Variants in PCBP3 observed in about 807,000 individuals in gnomAD.
PCBP3 encodes poly(rC) binding protein 3.
A neutral mutation model predicts 52.7 loss-of-function variants in PCBP3; 25 were observed. The ratio of observed to expected loss-of-function variants is 0.47; its 90% CI spans 0.35 to 0.66. PCBP3 has a LOEUF of 0.66. Ranked by LOEUF, PCBP3 falls within the 30% of genes least tolerant of loss-of-function variation. PCBP3 has a pLI of 0.01. For synonymous variants in PCBP3, 162 were observed against 183.0 expected (o/e 0.89, Z 0.93); for missense variants, 391 against 490.3 (o/e 0.80, Z 1.91).
intron 1 of PCBP3, among the ~76,000 whole-genome samples, chr21:45,658,640 G>A (rs1006865909): frequency 6.6e-6 from 1 of 152,114 alleles, no homozygotes; most frequent in African/African-American, 2.4e-5. Context: ...CTTAAGACAT[G>A]TTAATCTATA....
At chr21:45,894,805 G>A (rs905219793) in intron 5 of PCBP3, among the ~76,000 whole-genome samples, 1 of 152,240 alleles carries the variant, frequency 6.6e-6, no homozygotes, top group African/African-American at 2.4e-5. Context: ...ATGCAAGGGT[G>A]ATCTTCGGAG....
In PCBP3 at chr21:45,767,396, GA is replaced by G. The variant is rs566093233; in HGVS notation, c.-126+11946del. On this transcript the variant is annotated intron_variant, in intron 4 of 17. Coordinates refer to ENST00000681687, the MANE Select transcript of PCBP3 (RefSeq NM_001384156.1). ...CAGAATTTCATTCCTTTTTATGGCT[GA>G]ATCATGTTCTGTTGTATGAATATAC... Among the ~76,000 whole-genome samples, 21 of 152,328 alleles carry G rather than the reference GA, an allele frequency of 1.4e-4. No individual in the cohort carries two copies. The South Asian group carries it at 3.7e-3, about 27-fold the overall frequency.
At position 45,800,212 on chromosome 21, in the gene PCBP3, T is replaced by C. The variant is rs2092239088; in HGVS notation, c.-126+44760T>C. ...GAGGGGCCAGGCAGCAGTTCCTCTC[T>C]TGCAGCTTTTTCTTGGGAGCACCGG... On this transcript the variant is annotated intron_variant, in intron 4 of 17. Coordinates refer to ENST00000681687, the MANE Select transcript of PCBP3 (RefSeq NM_001384156.1). The surrounding 1 kb of genome is among the most constrained non-coding windows in gnomAD (Gnocchi z 5.3). Among the ~76,000 whole-genome samples the C allele has an allele frequency of 6.6e-6, 1 of 152,142 alleles. No individual in the cohort carries two copies. Among genetic ancestry groups the C allele is most frequent in the African/African-American group, 2.4e-5 (1 of 41,440 alleles).
At chr21:45,701,455 ATTAC>A (rs771182392) in intron 2 of PCBP3, among the ~76,000 whole-genome samples, 14 of 152,262 alleles carry the variant, frequency 9.2e-5, no homozygotes, top group Admixed American at 2.0e-4. Context: ...TGATAGTTAC[ATTAC>A]TTGAAATTAA....
intron 1 of PCBP3, among the ~76,000 whole-genome samples, chr21:45,653,508 T>G (rs2079818716): frequency 2.0e-5 from 3 of 152,164 alleles, no homozygotes; most frequent in African/African-American, 7.2e-5. Context: ...AATATTTGAC[T>G]TTATGATATG....
At chr21:45,692,431 AG>A (rs1294295654) in intron 2 of PCBP3, among the ~76,000 whole-genome samples, 2 of 152,162 alleles carry the variant, frequency 1.3e-5, no homozygotes, top group East Asian at 3.8e-4. Context: ...ATGAATATCA[AG>A]AATGAAAGAG....
At chr21:45,685,875 AAAAAC>A (rs1187986603) in intron 2 of PCBP3, among the ~76,000 whole-genome samples, 4 of 152,162 alleles carry the variant, frequency 2.6e-5, no homozygotes, top group East Asian at 3.9e-4. Context: ...GACAAGAAAC[AAAAAC>A]AAAACAAAAC....
intron 5 of PCBP3, among the ~76,000 whole-genome samples, chr21:45,867,757 A>G (rs2094804929): frequency 6.6e-6 from 1 of 152,182 alleles, no homozygotes; most frequent in Non-Finnish European, 1.5e-5. Flanking sequence ...GCCACAGAAG[A>G]CTCGCCCTCC....
In PCBP3 at chr21:45,788,107, AC is replaced by A. The variant is rs1002443678; in HGVS notation, c.-126+32657del. Among the ~76,000 whole-genome samples, 3 of 152,124 alleles carry A rather than the reference AC, an allele frequency of 2.0e-5. No individual in the cohort carries two copies. The highest frequency in any genetic ancestry group is 7.2e-5 in the African/African-American group (3 of 41,428). On this transcript the variant is annotated intron_variant, in intron 4 of 17. Coordinates refer to ENST00000681687, the MANE Select transcript of PCBP3 (RefSeq NM_001384156.1). The surrounding 1 kb of genome is among the most constrained non-coding windows in gnomAD (Gnocchi z 4.3). ...TGTCTCCTTACTGGGACATGCTGTG[AC>A]CTGTAGAATCGTGTCTGACCATTTC...
chr21:45,921,976 A>G (rs987793818), intron 13 of PCBP3, among the ~76,000 whole-genome samples: 1 of 152,204 alleles, frequency 6.6e-6, no homozygotes, highest in Non-Finnish European at 1.5e-5. Context: ...GACAGGGTGA[A>G]GGACTTAGGA....
At chr21:45,764,117 TTC>T (rs1491377021) in intron 4 of PCBP3, among the ~76,000 whole-genome samples, 9 of 147,812 alleles carry the variant, frequency 6.1e-5, no homozygotes, top group Non-Finnish European at 9.0e-5. Context: ...TCTTTTTTTT[TTC>T]TTTTTTTTTT....
chr21:45,785,514 G>A (rs1262985202), intron 4 of PCBP3, among the ~76,000 whole-genome samples: 1 of 149,702 alleles, frequency 6.7e-6, no homozygotes, highest in Admixed American at 6.6e-5. Flanking sequence ...GGAGGGGGGG[G>A]GGTCAGCCCC....
chr21:45,846,435 T>G (rs527552685), intron 4 of PCBP3, among the ~76,000 whole-genome samples: 3,272 of 152,206 alleles, frequency 0.021, 133 homozygotes, highest in African/African-American at 0.074. Flanking sequence ...GTTTGTTTTT[T>G]TTTTTTAACG....
At chr21:45,857,567 A>AC (rs1226806007) in intron 5 of PCBP3, among the ~76,000 whole-genome samples, 1 of 151,436 alleles carries the variant, frequency 6.6e-6, no homozygotes, top group Non-Finnish European at 1.5e-5. Context: ...ACCACCTATA[A>AC]CCCCCCACCT....
intron 4 of PCBP3, among the ~76,000 whole-genome samples, chr21:45,807,165 A>G (rs773308178): frequency 6.6e-6 from 1 of 152,194 alleles, no homozygotes; most frequent in Admixed American, 6.5e-5. Flanking sequence ...CCTATTCAAC[A>G]TAGTATTGGA....
At chr21:45,744,377 T>A (rs889954793) in intron 3 of PCBP3, 1 of 152,044 alleles carries the variant, frequency 6.6e-6, no homozygotes, top group African/African-American at 2.4e-5. Context: ...AAAATTTTTT[T>A]AGGCACTGGG....
At chr21:45,919,863 A>ATGTGTGTTGCAGGGG (rs2074178663) in intron 13 of PCBP3, among the ~76,000 whole-genome samples, 2 of 152,066 alleles carry the variant, frequency 1.3e-5, no homozygotes, top group Admixed American at 1.3e-4. Context: ...GTCCCCGTGC[A>ATGTGTGTTGCAGGGG]TGTGTGTGGC....
chr21:45,852,084 C>G (rs2094032806), intron 5 of PCBP3, among the ~76,000 whole-genome samples: 1 of 152,172 alleles, frequency 6.6e-6, no homozygotes, highest in Non-Finnish European at 1.5e-5. Flanking sequence ...GTCCAGATAG[C>G]TGGAAGACAG....
chr21:45,863,786 C>A (rs1022384429), intron 5 of PCBP3, among the ~76,000 whole-genome samples: 1 of 152,198 alleles, frequency 6.6e-6, no homozygotes, highest in African/African-American at 2.4e-5. Context: ...CCTGGGTGAG[C>A]GGTCCGCGGG....
Sources: allele counts gnomAD v4.1 joint callset (sites outside exome capture counted in the v4.1 genomes callset), GRCh38; gene constraint gnomAD v4.1.1; non-coding constraint Gnocchi (gnomAD v3.1); transcripts MANE v1.5; gene names NCBI Gene and HGNC (gene_info 2026-07-23, HGNC 2026-07-21).